EEF1A2: variants seen among roughly 807,000 people sequenced by gnomAD.
The protein encoded by EEF1A2 is elongation factor 1-alpha 2.
EEF1A2 carries 5 observed loss-of-function variants against 39.3 expected under a neutral mutation model. The observed-to-expected ratio is 0.13, with a 90% CI of 0.07 to 0.27. The LOEUF (loss-of-function observed/expected upper bound fraction) is 0.27, where lower values mean the gene tolerates loss of function less well. Among genes scored for constraint, EEF1A2 ranks in the 10% least tolerant of loss-of-function variants. The pLI is 1.00. For synonymous variants in EEF1A2, 287 were observed against 293.7 expected (o/e 0.98, Z 0.23); for missense variants, 218 against 681.4 (o/e 0.32, Z 7.57).
intron 4 of EEF1A2, 101 bp downstream of exon 4, chr20:63,494,704 G>A: frequency 9.7e-6 from 14 of 1,441,746 alleles, no homozygotes; most frequent in Non-Finnish European, 1.3e-5. Context: ...CATTTCCCGG[G>A]GACAGGCCCT....
Position 63,488,440 on chromosome 20 carries a change from G to A in EEF1A2, c.1265-15C>T, listed in dbSNP as rs200634874. 2,109 of 1,429,580 alleles carry A rather than the reference G, an allele frequency of 1.5e-3. 14 individuals carry two copies. In the African/African-American group the frequency reaches 0.027, roughly 18 times the overall value. The allele number at this position is 1,429,580 out of a possible 1,614,324, so 88.6% of individuals were successfully genotyped here. A position where few individuals can be genotyped will look rare whatever the true frequency, so the allele number is the denominator to read the frequency against. On this transcript the variant is annotated splice_polypyrimidine_tract_variant and intron_variant, in intron 7 of 7. Transcript: ENST00000217182. ...GGCGAAGCGGCCTGGGGGGCGGGGG[G>A]CGGCGTGTGGGCGGGGCCGGAGGAC...
At chr20:63,495,791 C>A in intron 3 of EEF1A2, 65 bp downstream of exon 3, 1 of 1,571,424 alleles carries the variant, frequency 6.4e-7, no homozygotes, top group Non-Finnish European at 8.6e-7. Flanking sequence ...ACCCCAGGGG[C>A]CCCCAGTGTC....
chr20:63,490,269 G>C, intron 6 of EEF1A2: 2 of 578,972 alleles, frequency 3.5e-6, no homozygotes, highest in Admixed American at 6.3e-5. Context: ...GTTTCACCAT[G>C]TTGACCAGGA....
At chr20:63,493,013 C>T in intron 5 of EEF1A2, 124 bp downstream of exon 5, 1 of 1,336,350 alleles carries the variant, frequency 7.5e-7, no homozygotes, top group Non-Finnish European at 9.9e-7. Context: ...GACTGTCCCA[C>T]AGAAAGTGTG....
At chr20:63,491,920 A>AGATG (rs370750773) in intron 5 of EEF1A2, among the ~76,000 whole-genome samples, 5,212 of 36,110 alleles carry the variant, frequency 0.14, 411 homozygotes, top group African/African-American at 0.29. Context: ...ATGGGGGGAT[A>AGATG]GATGGATGGA....
intron 6 of EEF1A2, 145 bp from the exon 7 acceptor site, chr20:63,489,297 G>T (rs1311974681): frequency 4.2e-6 from 3 of 715,472 alleles, no homozygotes; most frequent in Non-Finnish European, 6.8e-6. Flanking sequence ...CTCAGGCTCT[G>T]AGGACCCAGC....
At chr20:63,492,231 T>G (rs2145942140) in intron 5 of EEF1A2, among the ~76,000 whole-genome samples, 1 of 107,270 alleles carries the variant, frequency 9.3e-6, no homozygotes, top group African/African-American at 3.6e-5. Flanking sequence ...GATGGAAGGA[T>G]GGATGGATAG....
intron 5 of EEF1A2, 41 bp from the exon 6 acceptor site, chr20:63,490,776 G>A (rs768722562): frequency 6.4e-7 from 1 of 1,569,542 alleles, no homozygotes; most frequent in South Asian, 1.1e-5. Context: ...TGGGGCCCGA[G>A]GGGATGCTGG....
chr20:63,489,397 G>A (rs754286882), intron 6 of EEF1A2, among the ~76,000 whole-genome samples: 11 of 152,066 alleles, frequency 7.2e-5, no homozygotes, highest in Non-Finnish European at 1.6e-4. Flanking sequence ...CACTTACACG[G>A]CCAACCCCAG....
At chr20:63,493,109 G>A (rs763193173) in intron 5 of EEF1A2, 28 bp downstream of exon 5, 47 of 1,542,096 alleles carry the variant, frequency 3.0e-5, no homozygotes, top group Non-Finnish European at 3.9e-5. Context: ...TGGCCAGGCA[G>A]GAGCTCCAGC....
chr20:63,496,270 G>T, intron 2 of EEF1A2: 1 of 562,132 alleles, frequency 1.8e-6, no homozygotes, highest in East Asian at 3.0e-5. Flanking sequence ...GGCTACGCAG[G>T]TCCACCAGCA....
chr20:63,490,067 CTTTTT>C (rs57130528), intron 6 of EEF1A2: 1 of 150,948 alleles, frequency 6.6e-6, no homozygotes, highest in African/African-American at 2.5e-5. Context: ...GGTCCCTTTT[CTTTTT>C]TTTTTTTTCT....
intron 5 of EEF1A2, among the ~76,000 whole-genome samples, chr20:63,492,110 A>G (rs2145941803): frequency 1.5e-5 from 2 of 129,850 alleles, no homozygotes; most frequent in Admixed American, 7.8e-5. Context: ...GGGGAGATGG[A>G]TGGATGGATG....
Position 63,488,184 on chromosome 20 carries a change from G to GGCGGGGGT in EEF1A2, c.*106_*113dup, listed in dbSNP as rs1199710967. 2 of 663,796 alleles carry GGCGGGGGT rather than the reference G, an allele frequency of 3.0e-6. No individual in the cohort carries two copies. The highest frequency in any genetic ancestry group is 4.0e-5 in the African/African-American group (2 of 49,616). 41.1% of individuals were successfully genotyped at this position (663,796 alleles called of 1,614,324 possible). A position where few individuals can be genotyped will look rare whatever the true frequency, so the allele number is the denominator to read the frequency against. On this transcript the variant is annotated 3_prime_UTR_variant, in exon 8 of 8. Transcript: ENST00000217182. ...CAAGCGGAGGTGCAGACATGCGCCT[G>GGCGGGGGT]GCGGGGGTGCGGGGCGCCGGACCGG... is the stretch of plus-strand genomic sequence containing the variant.
In EEF1A2 at chr20:63,494,811, G is replaced by A. The variant is rs1196104923; in HGVS notation, c.615C>T (p.Ser205=). ...GWHGDNMLEP[S]PNMPWFKGWK... is the part of the protein sequence containing the mutation. Reference sequence around the variant, plus strand: ...CGCCCTAGCCGCCACTCACGTTGGGGGAGGGCTCCAGCATGTTGTCACCGT... The same window carrying A: ...CGCCCTAGCCGCCACTCACGTTGGGAGAGGGCTCCAGCATGTTGTCACCGT... The change falls in exon 4 of 8, where the codon TCC becomes TCT. Residue 205 remains serine, a synonymous_variant. Transcript: ENST00000217182. The A allele has an allele frequency of 1.9e-6, 3 of 1,609,308 alleles. No individual in the cohort carries two copies. The highest frequency in any genetic ancestry group is 2.5e-6 in the Non-Finnish European group (3 of 1,177,628).
intron 5 of EEF1A2, among the ~76,000 whole-genome samples, chr20:63,491,875 TA>T (rs2082381852): frequency 1.3e-5 from 1 of 78,980 alleles, no homozygotes; most frequent in Non-Finnish European, 3.1e-5. Flanking sequence ...GGTGGATGGA[TA>T]GATGGATGGA....
At chr20:63,492,488 G>A (rs1600905566) in intron 5 of EEF1A2, among the ~76,000 whole-genome samples, 1 of 151,840 alleles carries the variant, frequency 6.6e-6, no homozygotes, top group African/African-American at 2.4e-5. Context: ...ATGGATGGAT[G>A]GATGGACAGA....
Position 63,498,652 on chromosome 20 carries a change from G to C in EEF1A2, c.-72+406C>G, listed in dbSNP as rs1459975478. 2 of 150,896 alleles carry C rather than the reference G, an allele frequency of 1.3e-5. No homozygotes were observed. The highest frequency in any genetic ancestry group is 4.8e-5 in the African/African-American group (2 of 41,270). 9.3% of individuals were successfully genotyped at this position (150,896 alleles called of 1,614,324 possible). A position where few individuals can be genotyped will look rare whatever the true frequency, so the allele number is the denominator to read the frequency against. ...AGTGGAGAAACCCACGCTGCTCCTC[G>C]CGGACAGGTGGCTGGGGGAGGGAAA... On this transcript the variant is annotated intron_variant, in intron 1 of 7. Transcript: ENST00000217182. This position sits in a 1 kb window ranked among gnomAD's most constrained non-coding sequence, Gnocchi z 4.1.
At position 63,488,325 on chromosome 20, in the gene EEF1A2, C is replaced by T. The variant is rs1600901507; in HGVS notation, c.1365G>A (p.Ala455=). The T allele has an allele frequency of 4.1e-6, 6 of 1,446,668 alleles. No individual in the cohort carries two copies. The highest frequency in any genetic ancestry group is 1.3e-5 in the South Asian group (1 of 75,702). The allele number at this position is 1,446,668 out of a possible 1,614,324, so 89.6% of individuals were successfully genotyped here. A position where few individuals can be genotyped will look rare whatever the true frequency, so the allele number is the denominator to read the frequency against. ...ACTTGCCCGCCTTCTGCGCCTTCTG[C>T]GCCGACTTGGTGACCTTGCCGGCGC... is the stretch of plus-strand genomic sequence containing the variant. ...SGGAGKVTKS[A]QKAQKAGK The change falls in exon 8 of 8, where the codon GCG becomes GCA. Residue 455 remains alanine (A), a synonymous_variant. Coordinates refer to ENST00000217182, the MANE Select transcript of EEF1A2 (RefSeq NM_001958.5).
Sources: allele counts gnomAD v4.1 joint callset (sites outside exome capture counted in the v4.1 genomes callset), GRCh38; gene constraint gnomAD v4.1.1; non-coding constraint Gnocchi (gnomAD v3.1); transcripts MANE v1.5; gene names NCBI Gene and HGNC (gene_info 2026-07-23, HGNC 2026-07-21).